The following SANBR variants were observed in gnomAD, a reference collection of about 807,000 sequenced individuals.
SANBR encodes the protein SANT and BTB domain regulator of CSR.
A neutral mutation model predicts 101.8 loss-of-function variants in SANBR; 77 were observed. The observed-to-expected ratio is 0.76, with a 90% CI of 0.63 to 0.91. The LOEUF (loss-of-function observed/expected upper bound fraction) is 0.91. Ranked by LOEUF, SANBR falls within the 40% of genes least tolerant of loss-of-function variation. The pLI is 0.00. For synonymous variants in SANBR, 279 were observed against 274.7 expected (o/e 1.02, Z -0.15); for missense variants, 875 against 853.0 (o/e 1.03, Z -0.32).
At chr2:61,129,159 G>GAA (rs1156286880), downstream of SANBR, among the ~76,000 whole-genome samples, 5 of 151,914 alleles carry the variant, frequency 3.3e-5, no homozygotes, top group African/African-American at 1.2e-4. Context: ...AAGTTATTGA[G>GAA]GCATCCGGGC....
rs955711867 is a variant in SANBR at position 61,115,960 on chromosome 2, A to C, written c.1745-19A>C. The C allele has an allele frequency of 1.4e-5, 21 of 1,533,478 alleles. No homozygotes were observed. The highest frequency in any genetic ancestry group is 1.9e-5 in the Non-Finnish European group (21 of 1,117,008). 95.0% of individuals were successfully genotyped at this position (1,533,478 alleles called of 1,614,324 possible). A position where few individuals can be genotyped will look rare whatever the true frequency, so the allele number is the denominator to read the frequency against. On this transcript the variant is annotated intron_variant, in intron 16 of 21. Coordinates refer to ENST00000402291, the MANE Select transcript of SANBR (RefSeq NM_001129993.3). ...AGTATATGGGGCCTAAGTTTATAAC[A>C]TTGTCTTCTCATTATCAGGGAAAAA...
intron 8 of SANBR, among the ~76,000 whole-genome samples, chr2:61,085,117 T>C (rs1342054371): frequency 6.6e-6 from 1 of 152,152 alleles, no homozygotes; most frequent in African/African-American, 2.4e-5. Context: ...TACCTGGATA[T>C]ATTAATCTGG....
Position 61,070,386 on chromosome 2 carries a change from GAAC to G in SANBR, c.39_41del (p.Asn16del). On this transcript the variant is annotated inframe_deletion, in exon 3 of 22. Coordinates refer to ENST00000402291, the MANE Select transcript of SANBR (RefSeq NM_001129993.3). Reference sequence around the variant, plus strand: ...GATATTCAGAAAACAACAATTTCCTGAACAATAATAACCAAATGGTATTGGACA... The same window carrying G: ...GATATTCAGAAAACAACAATTTCCTGAATAATAACCAAATGGTATTGGACA... The G allele has an allele frequency of 6.3e-7, 1 of 1,593,498 alleles. No individual in the cohort carries two copies. Among genetic ancestry groups the G allele is most frequent in the South Asian group, 1.2e-5 (1 of 86,674 alleles).
At chr2:61,075,870 T>C (rs1330407291) in intron 5 of SANBR, among the ~76,000 whole-genome samples, 1 of 152,098 alleles carries the variant, frequency 6.6e-6, no homozygotes, top group East Asian at 1.9e-4. Context: ...TAGTATTTAA[T>C]GATAATCTCT....
chr2:61,133,928 G>T (rs745739747), intron 20 of SANBR, among the ~76,000 whole-genome samples: 7 of 152,150 alleles, frequency 4.6e-5, no homozygotes, highest in Non-Finnish European at 8.8e-5. Context: ...TTAAATGGGC[G>T]AATTGTATGA....
chr2:61,129,023 C>A (rs1002868983), downstream of SANBR, among the ~76,000 whole-genome samples: 1 of 152,112 alleles, frequency 6.6e-6, no homozygotes, highest in Non-Finnish European at 1.5e-5. Context: ...AATCTGTCAA[C>A]CAAGAATCCT....
intron 5 of SANBR, among the ~76,000 whole-genome samples, chr2:61,076,347 G>A (rs1681774380): frequency 6.7e-6 from 1 of 149,516 alleles, no homozygotes; most frequent in African/African-American, 2.4e-5. Flanking sequence ...GCTGGGCGCG[G>A]TGGCTCACGC....
chr2:61,106,837 G>C lies in SANBR; in HGVS notation c.1611+175G>C, dbSNP rs147282802. ...ATAGGACACATTTCTTGCCCTCAAA[G>C]AATTAATAATGAATACATTTAAATT... On this transcript the variant is annotated intron_variant, in intron 14 of 21. Coordinates refer to ENST00000402291, the MANE Select transcript of SANBR (RefSeq NM_001129993.3). Among the ~76,000 whole-genome samples the C allele has an allele frequency of 2.8e-3, 424 of 152,122 alleles. 2 individuals are homozygous for C. The highest frequency in any genetic ancestry group is 8.6e-3 in the African/African-American group (356 of 41,514).
At chr2:61,093,641 T>C (rs1476101531) in intron 11 of SANBR, among the ~76,000 whole-genome samples, 1 of 152,070 alleles carries the variant, frequency 6.6e-6, no homozygotes, top group Non-Finnish European at 1.5e-5. Context: ...TCAAATCCAG[T>C]TTTTCAGTGA....
rs747900801 is a variant in SANBR at position 61,118,127 on chromosome 2, T to C, written c.2028+11T>C. 2 of 1,572,910 alleles carry C rather than the reference T, an allele frequency of 1.3e-6. No homozygotes were observed. Among genetic ancestry groups the C allele is most frequent in the Non-Finnish European group, 8.7e-7 (1 of 1,144,470 alleles). On this transcript the variant is annotated intron_variant, in intron 20 of 21. Transcript: ENST00000402291. ...AAGGAAGCAAAAGAAGTAAGAATTG[T>C]GTACTAGTGTATTGTACTTGTGTAA...
intron 8 of SANBR, among the ~76,000 whole-genome samples, chr2:61,087,021 A>G (rs1682468484): frequency 6.6e-6 from 1 of 152,232 alleles, no homozygotes; most frequent in African/African-American, 2.4e-5. Context: ...ACTCAAGTTC[A>G]GTTATATTAT....
intron 16 of SANBR, among the ~76,000 whole-genome samples, chr2:61,111,199 C>G (rs1334309507): frequency 4.6e-5 from 7 of 152,124 alleles, no homozygotes; most frequent in Admixed American, 3.9e-4. Flanking sequence ...CGAGACCATC[C>G]TGGCTAACAC....
chr2:61,084,381 A>G (rs1682310745), intron 8 of SANBR, among the ~76,000 whole-genome samples: 1 of 152,200 alleles, frequency 6.6e-6, no homozygotes, highest in Admixed American at 6.5e-5. Flanking sequence ...TACTTTGTAT[A>G]ATGGCCATAT....
intron 13 of SANBR, among the ~76,000 whole-genome samples, chr2:61,104,766 T>C (rs1174853003): frequency 2.8e-5 from 4 of 142,182 alleles, no homozygotes; most frequent in Admixed American, 6.9e-5. Context: ...GCTGGAGGAC[T>C]CTTTAAAAGA....
chr2:61,069,602 T>A (rs1681353842), intron 2 of SANBR: 1 of 152,352 alleles, frequency 6.6e-6, no homozygotes, highest in Non-Finnish European at 1.5e-5. Context: ...ATATAACTAG[T>A]CAAAACTTTT....
chr2:61,087,215 G>A (rs1298972475), intron 8 of SANBR, among the ~76,000 whole-genome samples: 2 of 152,052 alleles, frequency 1.3e-5, no homozygotes, highest in Non-Finnish European at 2.9e-5. Context: ...GGTAGGCCTC[G>A]GTTGTTAAAT....
At chr2:61,081,685 G>A (rs1211128352) in intron 7 of SANBR, among the ~76,000 whole-genome samples, 175 bp downstream of exon 7, 1 of 152,106 alleles carries the variant, frequency 6.6e-6, no homozygotes, top group Non-Finnish European at 1.5e-5. Context: ...GTCTCGCTCT[G>A]TCACCCAGGC....
At chr2:61,083,107 G>A in intron 7 of SANBR, 47 bp from the exon 8 acceptor site, 2 of 1,366,182 alleles carry the variant, frequency 1.5e-6, no homozygotes, top group Non-Finnish European at 2.1e-6. Context: ...CTATGACATT[G>A]TCCTTCATGC....
chr2:61,066,094 C>A (rs1001993540), intron 1 of SANBR, 67 bp downstream of exon 1: 1 of 152,252 alleles, frequency 6.6e-6, no homozygotes, highest in Admixed American at 6.6e-5. Flanking sequence ...GGGGCGGTAC[C>A]GCTCACAGCC....
Sources: allele counts gnomAD v4.1 joint callset (sites outside exome capture counted in the v4.1 genomes callset), GRCh38; gene constraint gnomAD v4.1.1; transcripts MANE v1.5; gene names NCBI Gene and HGNC (gene_info 2026-07-23, HGNC 2026-07-21).